SUGCT: variants seen among roughly 807,000 people sequenced by gnomAD.
SUGCT encodes the protein succinyl-CoA:glutarate CoA-transferase.
In SUGCT, 41 loss-of-function variants were observed where a neutral mutation model predicts 55.0. That is an observed-to-expected ratio of 0.74 (90% CI 0.58 to 0.97). The LOEUF (loss-of-function observed/expected upper bound fraction) is 0.97. Among genes scored for constraint, SUGCT ranks in the 50% least tolerant of loss-of-function variants. The pLI, the probability that SUGCT is intolerant of heterozygous loss-of-function variation, is 0.00. For synonymous variants in SUGCT, 187 were observed against 200.4 expected (o/e 0.93, Z 0.56); for missense variants, 568 against 547.8 (o/e 1.04, Z -0.37).
intron 9 of SUGCT, among the ~76,000 whole-genome samples, chr7:40,382,004 C>T (rs948145904): frequency 1.3e-5 from 2 of 149,702 alleles, no homozygotes; most frequent in African/African-American, 4.9e-5. Flanking sequence ...CATCAAGGGA[C>T]GTGTGTGTGT....
intron 9 of SUGCT, among the ~76,000 whole-genome samples, chr7:40,438,462 A>G (rs1788293824): frequency 6.6e-6 from 1 of 152,162 alleles, no homozygotes; most frequent in Non-Finnish European, 1.5e-5. Flanking sequence ...TGAGCGTATG[A>G]TGAAAATGTG....
At chr7:40,245,864 T>C (rs1392459414) in intron 7 of SUGCT, among the ~76,000 whole-genome samples, 10 of 150,826 alleles carry the variant, frequency 6.6e-5, no homozygotes, top group Non-Finnish European at 1.3e-4. Flanking sequence ...ATTACAAACA[T>C]TACAAGTCTT....
the SUGCT span, chr7:40,965,496 A>G: frequency 6.6e-6 from 1 of 152,324 alleles, no homozygotes; most frequent in African/African-American, 2.4e-5. Context: ...TAAAAAGTAG[A>G]AAATATTTGG....
intron 9 of SUGCT, among the ~76,000 whole-genome samples, chr7:40,429,362 GTA>G (rs1455892349): frequency 6.6e-6 from 1 of 152,228 alleles, no homozygotes; most frequent in South Asian, 2.1e-4. Context: ...TAGGATAGAT[GTA>G]TATATAAAGG....
intron 11 of SUGCT, among the ~76,000 whole-genome samples, chr7:40,468,392 C>A (rs1419677494): frequency 2.6e-5 from 4 of 152,008 alleles, no homozygotes; most frequent in Admixed American, 2.6e-4. Context: ...CTTGGCCTTT[C>A]CCCCTTTCCT....
chr7:40,828,311 T>C (rs889328012), intron 13 of SUGCT, among the ~76,000 whole-genome samples: 3 of 152,088 alleles, frequency 2.0e-5, no homozygotes, highest in Non-Finnish European at 2.9e-5. Flanking sequence ...CATGTTCCAG[T>C]TGGGGGCTAT....
chr7:40,913,244 A>G, the SUGCT span, among the ~76,000 whole-genome samples: 17 of 152,052 alleles, frequency 1.1e-4, no homozygotes, highest in Non-Finnish European at 2.1e-4. Flanking sequence ...CCTTTGATGG[A>G]CACACCATAA....
chr7:40,871,188 C>G, the SUGCT span, among the ~76,000 whole-genome samples: 1 of 152,200 alleles, frequency 6.6e-6, no homozygotes, highest in Non-Finnish European at 1.5e-5. Context: ...CACACCCAGC[C>G]ACACATTTAT....
chr7:40,714,051 C>T (rs780654308), intron 12 of SUGCT, among the ~76,000 whole-genome samples: 5 of 152,200 alleles, frequency 3.3e-5, no homozygotes, highest in South Asian at 4.2e-4. Flanking sequence ...AAAACAAGGC[C>T]GGGTGCAGTG....
At chr7:40,693,849 C>T (rs182610064) in intron 12 of SUGCT, among the ~76,000 whole-genome samples, 3 of 152,276 alleles carry the variant, frequency 2.0e-5, no homozygotes, top group Non-Finnish European at 2.9e-5. Flanking sequence ...GAAAGTTCTA[C>T]GGGAAGACAC....
At chr7:40,576,352 A>T (rs1010773193) in intron 12 of SUGCT, among the ~76,000 whole-genome samples, 5 of 152,194 alleles carry the variant, frequency 3.3e-5, no homozygotes, top group African/African-American at 1.2e-4. Context: ...TTGAAGGGGC[A>T]ACAGTGAAAG....
At chr7:40,610,024 C>T (rs1798701183) in intron 12 of SUGCT, among the ~76,000 whole-genome samples, 1 of 152,148 alleles carries the variant, frequency 6.6e-6, no homozygotes, top group Non-Finnish European at 1.5e-5. Flanking sequence ...AACCACAAAG[C>T]TTGTTCATCA....
chr7:40,642,321 C>G (rs1800303686), intron 12 of SUGCT, among the ~76,000 whole-genome samples: 1 of 152,156 alleles, frequency 6.6e-6, no homozygotes, highest in South Asian at 2.1e-4. Context: ...CCTCCTGTGA[C>G]CTCTGAAAGT....
At chr7:40,193,598 A>C (rs1424307467) in intron 5 of SUGCT, among the ~76,000 whole-genome samples, 2 of 149,276 alleles carry the variant, frequency 1.3e-5, no homozygotes, top group Non-Finnish European at 3.0e-5. Flanking sequence ...TTTATTTAAA[A>C]AAGATTTTTT....
rs183634281 is a variant in SUGCT, at chr7:40,589,046, C to T, written c.1089+92660C>T. 6.7e-3 allele frequency among the ~76,000 whole-genome samples: 1,014 copies of T among 152,044 alleles called. 3 individuals are homozygous for T. Among genetic ancestry groups the T allele is most frequent in the Non-Finnish European group, 0.012 (798 of 67,970 alleles). ...CAAAGTATGATCTAATTAAAATAAT[C>T]TAAATAAAATTTTTTCTAAACTGAT... is the stretch of plus-strand genomic sequence containing the variant. On this transcript the variant is annotated intron_variant, in intron 12 of 13. Transcript: ENST00000335693.
intron 12 of SUGCT, among the ~76,000 whole-genome samples, chr7:40,501,853 A>G (rs1279342500): frequency 6.6e-6 from 1 of 152,158 alleles, no homozygotes; most frequent in Non-Finnish European, 1.5e-5. Flanking sequence ...ATAGCAAGAA[A>G]TAACAGGCAT....
intron 8 of SUGCT, among the ~76,000 whole-genome samples, chr7:40,312,206 A>AT (rs1365628766): frequency 2.6e-5 from 4 of 152,040 alleles, no homozygotes; most frequent in East Asian, 1.9e-4. Flanking sequence ...CGCCTGGCTA[A>AT]TTTTTTGTAT....
chr7:40,322,452 T>G (rs1795807198), intron 9 of SUGCT, among the ~76,000 whole-genome samples: 1 of 152,200 alleles, frequency 6.6e-6, no homozygotes, highest in Non-Finnish European at 1.5e-5. Context: ...AGGGGCAAGC[T>G]GATGTGAGGA....
chr7:40,227,845 T>A (rs754938568), intron 6 of SUGCT, among the ~76,000 whole-genome samples: 1 of 151,040 alleles, frequency 6.6e-6, no homozygotes, highest in South Asian at 2.2e-4. Context: ...ATAATTCCTT[T>A]ATTTTATTTA....
Sources: allele counts gnomAD v4.1 joint callset (sites outside exome capture counted in the v4.1 genomes callset), GRCh38; gene constraint gnomAD v4.1.1; transcripts MANE v1.5; gene names NCBI Gene and HGNC (gene_info 2026-07-23, HGNC 2026-07-21).